RHD: variants seen among roughly 807,000 people sequenced by gnomAD.
RHD encodes the protein blood group Rh(D) polypeptide.
Under a neutral mutation model 45.5 loss-of-function variants are expected in RHD, and 16 were observed. The observed-to-expected ratio is 0.35, with a 90% CI of 0.24 to 0.53. The LOEUF (loss-of-function observed/expected upper bound fraction) is 0.53. Among genes scored for constraint, RHD ranks in the 20% least tolerant of loss-of-function variants. The pLI is 0.92. For missense variants in RHD, 306 were observed against 532.0 expected, an observed-to-expected ratio of 0.58 and a Z score of 4.18; for synonymous variants, 131 against 217.5, an observed-to-expected ratio of 0.60 and a Z score of 3.50.
chr1:25,324,767 G>C (rs1644881911), intron 9 of RHD, among the ~76,000 whole-genome samples: 1 of 148,952 alleles, frequency 6.7e-6, no homozygotes, highest in Non-Finnish European at 1.5e-5. Flanking sequence ...ATGTCGCCCA[G>C]GTGCGGTGGC....
intron 2 of RHD, among the ~76,000 whole-genome samples, chr1:25,289,621 G>A (rs1302562320): frequency 8.0e-6 from 1 of 125,688 alleles, no homozygotes; most frequent in African/African-American, 2.7e-5. Flanking sequence ...CCCAGAGGGA[G>A]GAGGGAGTCT....
rs371777913 is a variant in RHD, at chr1:25,291,027, T to C, written c.486+236T>C. Among the ~76,000 whole-genome samples the C allele has an allele frequency of 3.8e-5, 5 of 131,440 alleles. 1 individual carries two copies. The highest frequency in any genetic ancestry group is 4.0e-3 in the Middle Eastern group (1 of 248). The allele number at this position is 131,440 out of a possible 152,430, so 86.2% of individuals were successfully genotyped here. A position where few individuals can be genotyped will look rare whatever the true frequency, so the allele number is the denominator to read the frequency against. ...ATCCAGTTGTGGTGGCATGCACCTG[T>C]AGTCTCAGTTACTCAGGAGGCTGAG... On this transcript the variant is annotated intron_variant, in intron 3 of 9. Coordinates refer to ENST00000328664, the MANE Select transcript of RHD (RefSeq NM_016124.6).
rs527237138 is a variant in RHD, at chr1:25,315,308, T to C, written c.1074-1692T>C. On this transcript the variant is annotated intron_variant, in intron 7 of 9. Transcript: ENST00000328664. ...AGGTTTTGATAACCTGAACTGTGTT[T>C]GGAGCTGGGGAGGAAGCAAACTATT... Among the ~76,000 whole-genome samples, 12 of 129,150 alleles carry C rather than the reference T, an allele frequency of 9.3e-5. 1 individual carries two copies. In the East Asian group the frequency reaches 2.4e-3, roughly 25 times the overall value. The allele number at this position is 129,150 out of a possible 152,430, so 84.7% of individuals were successfully genotyped here. A position where few individuals can be genotyped will look rare whatever the true frequency, so the allele number is the denominator to read the frequency against.
In RHD at chr1:25,296,243, C is replaced by CT. The variant is rs894411494; in HGVS notation, c.487-4690dup. Among the ~76,000 whole-genome samples the CT allele has an allele frequency of 1.6e-3, 190 of 115,340 alleles. 16 individuals are homozygous for CT. The highest frequency in any genetic ancestry group is 3.4e-3 in the African/African-American group (118 of 34,682). The allele number at this position is 115,340 out of a possible 152,430, so 75.7% of individuals were successfully genotyped here. ...CCCCTAAATACTTCAGTGTACATTT[C>CT]TTTTTTTTTTTTTCTTTGAGACAGA... On this transcript the variant is annotated intron_variant, in intron 3 of 9. Transcript: ENST00000328664.
At position 25,290,764 on chromosome 1, in the gene RHD, G is replaced by A. The variant is rs1642431374; in HGVS notation, c.459G>A (p.Leu153=). Residue 153 remains leucine (L), a synonymous_variant, in exon 3 of 10, where the codon CTG becomes CTA. Coordinates refer to ENST00000328664, the MANE Select transcript of RHD (RefSeq NM_016124.6). ...VLVEVTALGN[L]RMVISNIFNT... ...TGGAGGTGACAGCTTTAGGCAACCT[G>A]AGGATGGTCATCAGTAATATCTTCA... The A allele has an allele frequency of 2.2e-6, 3 of 1,377,288 alleles. 1 individual carries two copies. Among genetic ancestry groups the A allele is most frequent in the East Asian group, 2.2e-5 (1 of 44,644 alleles). 85.3% of individuals were successfully genotyped at this position (1,377,288 alleles called of 1,614,324 possible). A position where few individuals can be genotyped will look rare whatever the true frequency, so the allele number is the denominator to read the frequency against.
chr1:25,279,563 C>T (rs1641299605), intron 1 of RHD, among the ~76,000 whole-genome samples: 1 of 129,032 alleles, frequency 7.8e-6, no homozygotes, highest in East Asian at 2.0e-4. Context: ...CTCTCTGTGC[C>T]TCCCTTTCCC....
chr1:25,300,451 A>G lies in RHD; in HGVS notation c.487-495A>G, dbSNP rs1643295931. On this transcript the variant is annotated intron_variant, in intron 3 of 9. Coordinates refer to ENST00000328664, the MANE Select transcript of RHD (RefSeq NM_016124.6). ...TGCTTGAGCCTGGGAGTTGGAGACT[A>G]CAGTGAGCTGTGGCCACACCACTGC... is the stretch of plus-strand genomic sequence containing the variant. Among the ~76,000 whole-genome samples, 2 of 125,166 alleles carry G rather than the reference A, an allele frequency of 1.6e-5. 1 individual carries two copies. The highest frequency in any genetic ancestry group is 3.7e-5 in the Non-Finnish European group (2 of 53,888). The allele number at this position is 125,166 out of a possible 152,430, so 82.1% of individuals were successfully genotyped here.
In RHD at chr1:25,311,917, C is replaced by T. The variant is rs1459451543; in HGVS notation, c.1074-5083C>T. On this transcript the variant is annotated intron_variant, in intron 7 of 9. Transcript: ENST00000328664. ...CATTTCAAAGGGTGCTGTGAACAGC[C>T]ACCCCAGAGAGCCCCTAGTAGAGCA... Among the ~76,000 whole-genome samples the T allele has an allele frequency of 8.4e-5, 11 of 130,926 alleles. 1 individual carries two copies. The highest frequency in any genetic ancestry group is 2.9e-4 in the African/African-American group (11 of 37,340). 85.9% of individuals were successfully genotyped at this position (130,926 alleles called of 152,430 possible).
At position 25,322,393 on chromosome 1, in the gene RHD, C is replaced by T. The variant is rs142997120; in HGVS notation, c.1227+431C>T. On this transcript the variant is annotated intron_variant, in intron 9 of 9. Coordinates refer to ENST00000328664, the MANE Select transcript of RHD (RefSeq NM_016124.6). The stretch of plus-strand genomic sequence containing the variant: ...TGACTTATCAAGATCTTACAACTGG[C>T]TGGGCACGGTGGCTCACGCCTGTGA... Among the ~76,000 whole-genome samples, 166 of 133,282 alleles carry T rather than the reference C, an allele frequency of 1.2e-3. 45 individuals are homozygous for T. Among genetic ancestry groups the T allele is most frequent in the Non-Finnish European group, 2.7e-3 (149 of 56,046 alleles). The allele number at this position is 133,282 out of a possible 152,430, so 87.4% of individuals were successfully genotyped here.
chr1:25,276,312 T>C lies in RHD; in HGVS notation c.148+3617T>C, dbSNP rs1423432014. On this transcript the variant is annotated intron_variant, in intron 1 of 9. Transcript: ENST00000328664. ...GTACAGAAGGATTATAGAAACAAGATTGGTCTCATGTGACAATCATCAGAG... is the reference window on the plus strand; with the variant it reads ...GTACAGAAGGATTATAGAAACAAGACTGGTCTCATGTGACAATCATCAGAG... Among the ~76,000 whole-genome samples the C allele has an allele frequency of 3.1e-5, 4 of 128,612 alleles. 1 individual carries two copies. Among genetic ancestry groups the C allele is most frequent in the African/African-American group, 1.1e-4 (4 of 37,368 alleles). The allele number at this position is 128,612 out of a possible 152,430, so 84.4% of individuals were successfully genotyped here. A position where few individuals can be genotyped will look rare whatever the true frequency, so the allele number is the denominator to read the frequency against.
At chr1:25,277,245 G>A (rs1641093817) in intron 1 of RHD, among the ~76,000 whole-genome samples, 2 of 130,716 alleles carry the variant, frequency 1.5e-5, no homozygotes, top group South Asian at 4.7e-4. Flanking sequence ...GGTGGCTTCT[G>A]GGTGAATCTG....
At position 25,304,056 on chromosome 1, in the gene RHD, C is replaced by A. The variant is rs1006697858; in HGVS notation, c.939+597C>A. ...AGCACCCAGAAGAGGGAGTGCTGGG[C>A]TGATGGTCCAGGTCGTGTCCACTTC... On this transcript the variant is annotated intron_variant, in intron 6 of 9. Transcript: ENST00000328664. 3.7e-4 allele frequency among the ~76,000 whole-genome samples: 31 copies of A among 84,346 alleles called. 3 individuals carry two copies. Among genetic ancestry groups the A allele is most frequent in the Admixed American group, 3.0e-3 (26 of 8,668 alleles). 55.3% of individuals were successfully genotyped at this position (84,346 alleles called of 152,430 possible).
chr1:25,329,407 A>G lies in RHD; in HGVS notation c.*483A>G. On this transcript the variant is annotated 3_prime_UTR_variant, in exon 10 of 10. Coordinates refer to ENST00000328664, the MANE Select transcript of RHD (RefSeq NM_016124.6). The stretch of plus-strand genomic sequence containing the variant: ...TTACAGGCACCCACCACATCTGGCT[A>G]ATTTTTTGTATTTTTAGTAAAGATG... 1 of 262,836 alleles carries G rather than the reference A, an allele frequency of 3.8e-6. No individual in the cohort carries two copies. Among genetic ancestry groups the G allele is most frequent in the East Asian group, 6.7e-5 (1 of 15,022 alleles). The allele number at this position is 262,836 out of a possible 1,614,324, so 16.3% of individuals were successfully genotyped here.
Position 25,311,480 on chromosome 1 carries a change from G to A in RHD, c.1073+4751G>A, listed in dbSNP as rs1487172058. Among the ~76,000 whole-genome samples, 10 of 129,470 alleles carry A rather than the reference G, an allele frequency of 7.7e-5. 2 individuals carry two copies. The highest frequency in any genetic ancestry group is 1.6e-4 in the African/African-American group (6 of 37,994). 84.9% of individuals were successfully genotyped at this position (129,470 alleles called of 152,430 possible). A position where few individuals can be genotyped will look rare whatever the true frequency, so the allele number is the denominator to read the frequency against. ...GCAGAGCTTGCAGTGAGCCAAGATC[G>A]CGCCACTGCACTCCAGCCTGGGCGA... is the stretch of plus-strand genomic sequence containing the variant. On this transcript the variant is annotated intron_variant, in intron 7 of 9. Coordinates refer to ENST00000328664, the MANE Select transcript of RHD (RefSeq NM_016124.6).
chr1:25,323,811 T>C (rs1644837539), intron 9 of RHD, among the ~76,000 whole-genome samples: 1 of 126,862 alleles, frequency 7.9e-6, no homozygotes, highest in Admixed American at 7.6e-5. Flanking sequence ...GCCCTTGGTC[T>C]GGCTTCTTTT....
Position 25,321,803 on chromosome 1 carries a change from G to A in RHD, c.1154-86G>A, listed in dbSNP as rs948677084. The A allele has an allele frequency of 1.6e-5, 12 of 730,754 alleles. 1 individual carries two copies. Among genetic ancestry groups the A allele is most frequent in the Admixed American group, 8.6e-5 (4 of 46,648 alleles). The allele number at this position is 730,754 out of a possible 1,614,324, so 45.3% of individuals were successfully genotyped here. ...AAAGGATTTCTGTTGAGATACTGTC[G>A]TTTTGACACACAATATTTCGATTAA... On this transcript the variant is annotated intron_variant, in intron 8 of 9. Transcript: ENST00000328664.
chr1:25,302,509 A>G lies in RHD; in HGVS notation c.802-813A>G, dbSNP rs1474531082. On this transcript the variant is annotated intron_variant, in intron 5 of 9. Transcript: ENST00000328664. ...TGGTGACAGAAAGTCTAAGACACCC[A>G]GCAAGGCAGGAGTGGGTGTCAACTC... Among the ~76,000 whole-genome samples, 2 of 130,052 alleles carry G rather than the reference A, an allele frequency of 1.5e-5. 1 individual carries two copies. Among genetic ancestry groups the G allele is most frequent in the African/African-American group, 5.3e-5 (2 of 37,608 alleles). 85.3% of individuals were successfully genotyped at this position (130,052 alleles called of 152,430 possible).
rs1364849288 is a variant in RHD, at chr1:25,283,297, G to A, written c.149-1276G>A. Among the ~76,000 whole-genome samples the A allele has an allele frequency of 5.3e-5, 7 of 131,894 alleles. 2 individuals are homozygous for A. Among genetic ancestry groups the A allele is most frequent in the Non-Finnish European group, 1.1e-4 (6 of 55,724 alleles). 86.5% of individuals were successfully genotyped at this position (131,894 alleles called of 152,430 possible). A position where few individuals can be genotyped will look rare whatever the true frequency, so the allele number is the denominator to read the frequency against. ...TGTAATCCCATCACTTTGGGAAACC[G>A]AGGTGGGCAGATCACTTGAGGTCAG... On this transcript the variant is annotated intron_variant, in intron 1 of 9. Transcript: ENST00000328664.
In RHD at chr1:25,306,663, G is replaced by A. The variant is rs1391779105; in HGVS notation, c.1007G>A (p.Gly336Asp). ...SIMGYNFSLL[G>D]LLGEIIYIVL... ...ATGGGCTACAACTTCAGCTTGCTGG[G>A]TCTGCTTGGAGAGATCATCTACATT... The change falls in exon 7 of 10, where the codon GGT (glycine) becomes GAT (aspartate). Residue 336 changes from glycine (G) to aspartate (D), a missense_variant. By Grantham distance (94) the Gly-to-Asp change is moderately conservative (BLOSUM62 -1). Coordinates refer to ENST00000328664, the MANE Select transcript of RHD (RefSeq NM_016124.6). 5.8e-6 allele frequency: 8 copies of A among 1,378,688 alleles called. 3 individuals are homozygous for A. The highest frequency in any genetic ancestry group is 2.0e-6 in the Non-Finnish European group (2 of 979,150). The allele number at this position is 1,378,688 out of a possible 1,614,324, so 85.4% of individuals were successfully genotyped here.
Sources: allele counts gnomAD v4.1 joint callset (sites outside exome capture counted in the v4.1 genomes callset), GRCh38; gene constraint gnomAD v4.1.1; transcripts MANE v1.5; gene names NCBI Gene and HGNC (gene_info 2026-07-23, HGNC 2026-07-21).